Variants in REPIN1 observed in about 807,000 individuals in gnomAD.
The protein encoded by REPIN1 is DNA-binding protein REPIN1.
A neutral mutation model predicts 5.7 loss-of-function variants in REPIN1; 4 were observed. The ratio of observed to expected loss-of-function variants is 0.71; its 90% CI spans 0.35 to 1.62. The LOEUF is 1.62. Among genes scored for constraint, REPIN1 ranks in the 40% most tolerant of loss-of-function variants. The pLI is 0.05. For synonymous variants in REPIN1, 410 were observed against 386.2 expected (o/e 1.06, Z -0.72); for missense variants, 854 against 901.0 (o/e 0.95, Z 0.67).
In REPIN1 at chr7:150,372,433, A is replaced by G. The variant is rs1799928323; in HGVS notation, c.1363A>G (p.Thr455Ala). The change falls in exon 3 of 3, where the codon ACC (threonine) becomes GCC (alanine). Residue 455 changes from threonine (T) to alanine (A), a missense_variant. Thr to Ala is a moderately conservative substitution (Grantham distance 58). This residue lies in a region of REPIN1 where 327 missense variants were observed against 307.8 expected (regional missense o/e 1.06). Transcript: ENST00000489432. ...CCTGCGGGCCCACCAGCGGCAGCACACCGGGGAGCGGCCCTTCACCTGCGC... is the reference window on the plus strand; with the variant it reads ...CCTGCGGGCCCACCAGCGGCAGCACGCCGGGGAGCGGCCCTTCACCTGCGC... Reference protein sequence around the residue: ...RFLRAHQRQHTGERPFTCAEC... With the variant: ...RFLRAHQRQHAGERPFTCAEC... The G allele has an allele frequency of 1.3e-6, 2 of 1,509,530 alleles. No homozygotes were observed. The highest frequency in any genetic ancestry group is 2.4e-5 in the East Asian group (1 of 41,690). 93.5% of individuals were successfully genotyped at this position (1,509,530 alleles called of 1,614,324 possible). A position where few individuals can be genotyped will look rare whatever the true frequency, so the allele number is the denominator to read the frequency against.
intron 2 of REPIN1, 146 bp from the exon 3 acceptor site, chr7:150,371,082 C>A (rs1048178906): frequency 4.5e-6 from 4 of 880,424 alleles, no homozygotes; most frequent in Non-Finnish European, 6.8e-6. Context: ...ACATACCACA[C>A]AAGGAAACAG....
rs752900339 is a variant in REPIN1 at position 150,369,880 on chromosome 7, C to G, written c.157+12C>G. ...CTGCAGTCTCCAGGGTAGAGTCTGG[C>G]CTTTGCTGTGCTCCCAAACCACGCC... On this transcript the variant is annotated intron_variant, in intron 2 of 2. Coordinates refer to ENST00000489432, the MANE Select transcript of REPIN1 (RefSeq NM_001099695.2). The G allele has an allele frequency of 6.3e-7, 1 of 1,574,804 alleles. No homozygotes were observed. The highest frequency in any genetic ancestry group is 8.6e-7 in the Non-Finnish European group (1 of 1,156,226).
At position 150,373,090 on chromosome 7, in the gene REPIN1, G is replaced by A; in HGVS notation, c.*145G>A. 8.2e-7 allele frequency: 1 copy of A among 1,224,906 alleles called. No individual in the cohort carries two copies. Among genetic ancestry groups the A allele is most frequent in the East Asian group, 2.5e-5 (1 of 39,370 alleles). The allele number at this position is 1,224,906 out of a possible 1,614,324, so 75.9% of individuals were successfully genotyped here. A position where few individuals can be genotyped will look rare whatever the true frequency, so the allele number is the denominator to read the frequency against. Reference sequence around the variant, plus strand: ...ATGGAAGACGCGGGGAGTGAGCTGGGTGGGCCCTGCTAGCGAGAGAGGTCA... The same window carrying A: ...ATGGAAGACGCGGGGAGTGAGCTGGATGGGCCCTGCTAGCGAGAGAGGTCA... On this transcript the variant is annotated 3_prime_UTR_variant, in exon 3 of 3. Coordinates refer to ENST00000489432, the MANE Select transcript of REPIN1 (RefSeq NM_001099695.2).
intron 2 of REPIN1, chr7:150,370,767 A>G: frequency 1.4e-6 from 1 of 702,506 alleles, no homozygotes. Context: ...CAGGGAGCTC[A>G]GTGTCTGTTT....
Position 150,371,911 on chromosome 7 carries a change from G to C in REPIN1, c.841G>C (p.Ala281Pro). 1 of 1,607,292 alleles carries C rather than the reference G, an allele frequency of 6.2e-7. No homozygotes were observed. Among genetic ancestry groups the C allele is most frequent in the Non-Finnish European group, 8.5e-7 (1 of 1,178,406 alleles). ...GCCCAGGGGCCGCCCCGCGGTGACC[G>C]CCCCCCGGCCCGGTGGAGATGCCGT... is the stretch of plus-strand genomic sequence containing the variant. ...PRPRGRPAVT[A>P]PRPGGDAVDR... The change falls in exon 3 of 3, where the codon GCC becomes CCC. Residue 281 changes from alanine (A) to proline (P), a missense_variant. Coordinates refer to ENST00000489432, the MANE Select transcript of REPIN1 (RefSeq NM_001099695.2).
rs1423172710 is a variant in REPIN1, at chr7:150,371,756, C to T, written c.686C>T (p.Pro229Leu). The change falls in exon 3 of 3, where the codon CCG becomes CTG. Residue 229 changes from proline to leucine, a missense_variant. Transcript: ENST00000489432. ...CTGCGGCGGTGCCACCCTCCCGCCC[C>T]GGAGGCCCGGCCCTTCATATGCGGC... The part of the protein sequence containing the change: ...AHLRRCHPPA[P>L]EARPFICGNC... 1.9e-6 allele frequency: 3 copies of T among 1,611,036 alleles called. No homozygotes were observed. The highest frequency in any genetic ancestry group is 1.7e-6 in the Non-Finnish European group (2 of 1,179,816).
Position 150,372,589 on chromosome 7 carries a change from C to T in REPIN1, c.1519C>T (p.Arg507Trp), listed in dbSNP as rs530441746. 9 of 1,604,118 alleles carry T rather than the reference C, an allele frequency of 5.6e-6. No homozygotes were observed. Among genetic ancestry groups the T allele is most frequent in the African/African-American group, 1.3e-5 (1 of 74,802 alleles). Residue 507 changes from arginine (R) to tryptophan (W), a missense_variant, in exon 3 of 3, where the codon CGG (arginine) becomes TGG (tryptophan). By Grantham distance (101) the Arg-to-Trp change is moderately radical. This residue lies in a region of REPIN1 where 327 missense variants were observed against 307.8 expected (regional missense o/e 1.06). Coordinates refer to ENST00000489432, the MANE Select transcript of REPIN1 (RefSeq NM_001099695.2). The stretch of plus-strand genomic sequence containing the variant: ...CCAGGGCAGCCATCTGGCGGCGCAT[C>T]GGCGCGACCACGCCCCCGATCGGCC... ...FSQGSHLAAH[R>W]RDHAPDRPFV...
chr7:150,372,245 G>A lies in REPIN1; in HGVS notation c.1175G>A (p.Gly392Asp). 1 of 1,538,066 alleles carries A rather than the reference G, an allele frequency of 6.5e-7. No individual in the cohort carries two copies. The highest frequency in any genetic ancestry group is 8.7e-7 in the Non-Finnish European group (1 of 1,148,416). ...CCGGGGAGCCCCCAGCTGCCAGCCG[G>A]CCCCCAGGAGTCCGCGGCCGAGCCC... The part of the protein sequence containing the change: ...PGPGSPQLPA[G>D]PQESAAEPTP... The change falls in exon 3 of 3, where the codon GGC (glycine) becomes GAC (aspartate). Residue 392 changes from glycine to aspartate, a missense_variant. Transcript: ENST00000489432.
chr7:150,370,193 C>T (rs573709171), intron 2 of REPIN1: 36 of 295,354 alleles, frequency 1.2e-4, no homozygotes, highest in African/African-American at 7.4e-4. Context: ...TGGGGCAGCC[C>T]CTGGCGAGGT....
At position 150,372,561 on chromosome 7, in the gene REPIN1, C is replaced by T. The variant is rs752145802; in HGVS notation, c.1491C>T (p.Phe497=). Residue 497 remains phenylalanine (F), a synonymous_variant, in exon 3 of 3, where the codon TTC becomes TTT. Transcript: ENST00000489432. ...CCTGCGAGGAGTGCGGCCGCCGCTT[C>T]TCCCAGGGCAGCCATCTGGCGGCGC... ...PFACEECGRR[F]SQGSHLAAHR... 4.4e-6 allele frequency: 7 copies of T among 1,594,712 alleles called. No homozygotes were observed. The Middle Eastern group carries it at 5.0e-4, about 114-fold the overall frequency.
chr7:150,370,873 C>T, intron 2 of REPIN1: 1 of 700,982 alleles, frequency 1.4e-6, no homozygotes, highest in Middle Eastern at 3.2e-4. Context: ...GGAGCAGTGG[C>T]CACATTTTCT....
Position 150,372,257 on chromosome 7 carries a change from C to T in REPIN1, c.1187C>T (p.Ser396Phe). Residue 396 changes from serine to phenylalanine, a missense_variant, in exon 3 of 3, where the codon TCC becomes TTC. Physicochemically the swap from Ser to Phe is radical, Grantham distance 155 (BLOSUM62 -2). Coordinates refer to ENST00000489432, the MANE Select transcript of REPIN1 (RefSeq NM_001099695.2). ...CAGCTGCCAGCCGGCCCCCAGGAGT[C>T]CGCGGCCGAGCCCACCCCGGCGGTA... Reference protein sequence around the residue: ...SPQLPAGPQESAAEPTPAVPL... With the variant: ...SPQLPAGPQEFAAEPTPAVPL... The T allele has an allele frequency of 6.6e-7, 1 of 1,524,604 alleles. No homozygotes were observed. Among genetic ancestry groups the T allele is most frequent in the Non-Finnish European group, 8.8e-7 (1 of 1,142,760 alleles). The allele number at this position is 1,524,604 out of a possible 1,614,324, so 94.4% of individuals were successfully genotyped here. A position where few individuals can be genotyped will look rare whatever the true frequency, so the allele number is the denominator to read the frequency against.
rs376711625 is a variant in REPIN1, at chr7:150,371,552, G to A, written c.482G>A (p.Arg161His). ...FRHAPFLALH[R>H]QVHAAATPDL... ...CATGCCCCCTTCTTAGCACTGCACC[G>A]CCAGGTCCATGCTGCTGCCACCCCA... Residue 161 changes from arginine to histidine, a missense_variant, in exon 3 of 3, where the codon CGC becomes CAC. Coordinates refer to ENST00000489432, the MANE Select transcript of REPIN1 (RefSeq NM_001099695.2). The A allele has an allele frequency of 7.4e-5, 119 of 1,604,496 alleles. No individual in the cohort carries two copies. Among genetic ancestry groups the A allele is most frequent in the Middle Eastern group, 3.3e-4 (2 of 6,078 alleles).
rs1484919365 is a variant in REPIN1 at position 150,372,975 on chromosome 7, G to C, written c.*30G>C. The C allele has an allele frequency of 6.3e-7, 1 of 1,590,436 alleles. No homozygotes were observed. The highest frequency in any genetic ancestry group is 1.3e-5 in the African/African-American group (1 of 74,640). Reference sequence around the variant, plus strand: ...GTGGGCGGGGCCGTGTTGGCTGAGAGAGGGCTGGGGTCCTTCGTGGTGGGA... The same window carrying C: ...GTGGGCGGGGCCGTGTTGGCTGAGACAGGGCTGGGGTCCTTCGTGGTGGGA... On this transcript the variant is annotated 3_prime_UTR_variant, in exon 3 of 3. Coordinates refer to ENST00000489432, the MANE Select transcript of REPIN1 (RefSeq NM_001099695.2).
rs1799987048 is a variant in REPIN1 at position 150,372,685 on chromosome 7, A to G, written c.1615A>G (p.Thr539Ala). 1 of 1,612,382 alleles carries G rather than the reference A, an allele frequency of 6.2e-7. No individual in the cohort carries two copies. The highest frequency in any genetic ancestry group is 8.5e-7 in the Non-Finnish European group (1 of 1,179,798). ...CCTGGCGGCGCACCGGCGCATCCACACCGGCGAGAAGCCCTACGTCTGCCC... is the reference window on the plus strand; with the variant it reads ...CCTGGCGGCGCACCGGCGCATCCACGCCGGCGAGAAGCCCTACGTCTGCCC... ...PYLAAHRRIH[T>A]GEKPYVCPDC... The change falls in exon 3 of 3, where the codon ACC becomes GCC. Residue 539 changes from threonine (T) to alanine (A), a missense_variant. Physicochemically the swap from Thr to Ala is moderately conservative, Grantham distance 58. Around this residue, in one of 5 missense-constraint regions of REPIN1, gnomAD observed 101 missense variants for 124.7 expected, o/e 0.81. Transcript: ENST00000489432.
chr7:150,371,844 T>C lies in REPIN1; in HGVS notation c.774T>C (p.Ala258=), dbSNP rs6722. 554,026 of 1,604,850 alleles carry C rather than the reference T, an allele frequency of 0.35. 99,592 individuals carry two copies. The highest frequency in any genetic ancestry group is 0.56 in the East Asian group (25,195 of 44,634). The change falls in exon 3 of 3, where the codon GCT becomes GCC. Residue 258 remains alanine, a synonymous_variant. Transcript: ENST00000489432. ...TTGCCCACAAGCGGGTGCACGTAGC[T>C]GAGGCCCTGGAGGAGGCCGCAGCCA... ...QLVAHKRVHV[A]EALEEAAAKA... is the part of the protein sequence containing the mutation.
In REPIN1 at chr7:150,371,961, T is replaced by C; in HGVS notation, c.891T>C (p.Cys297=). The change falls in exon 3 of 3, where the codon TGT becomes TGC. Residue 297 remains cysteine (C), a synonymous_variant. Transcript: ENST00000489432. The part of the protein sequence containing the change: ...DAVDRPFQCA[C]CGKRFRHKPN... The stretch of plus-strand genomic sequence containing the variant: ...TCGACCGCCCCTTCCAGTGTGCCTG[T>C]TGTGGCAAGCGCTTCCGGCACAAGC... The C allele has an allele frequency of 6.2e-7, 1 of 1,609,310 alleles. No homozygotes were observed. The highest frequency in any genetic ancestry group is 8.5e-7 in the Non-Finnish European group (1 of 1,179,358).
chr7:150,372,720 C>G lies in REPIN1; in HGVS notation c.1650C>G (p.Gly550=), dbSNP rs781326564. The G allele has an allele frequency of 1.2e-6, 2 of 1,612,420 alleles. No homozygotes were observed. The highest frequency in any genetic ancestry group is 1.7e-4 in the Middle Eastern group (1 of 6,060). ...GEKPYVCPDC[G]KAFSQKSNLV... ...AGCCCTACGTCTGCCCCGACTGCGG[C>G]AAAGCCTTCAGCCAGAAGTCCAACC... is the stretch of plus-strand genomic sequence containing the variant. Residue 550 remains glycine (G), a synonymous_variant, in exon 3 of 3, where the codon GGC becomes GGG. Transcript: ENST00000489432.
rs1275590409 is a variant in REPIN1, at chr7:150,373,959, C to G, written c.*1014C>G. 1 of 167,078 alleles carries G rather than the reference C, an allele frequency of 6.0e-6. No individual in the cohort carries two copies. Among genetic ancestry groups the G allele is most frequent in the Admixed American group, 6.5e-5 (1 of 15,298 alleles). The allele number at this position is 167,078 out of a possible 1,614,324, so 10.3% of individuals were successfully genotyped here. ...TTCCTATAATTTCTACCTATTGGGC[C>G]TTGTTCTGTTCTCTGGAACTAAACA... On this transcript the variant is annotated 3_prime_UTR_variant, in exon 3 of 3. Coordinates refer to ENST00000489432, the MANE Select transcript of REPIN1 (RefSeq NM_001099695.2).
Sources: allele counts gnomAD v4.1 joint callset, GRCh38; gene constraint gnomAD v4.1.1; regional missense constraint gnomAD v4.1.1; transcripts MANE v1.5; gene names NCBI Gene and HGNC (gene_info 2026-07-23, HGNC 2026-07-21).